TMEM132D: variants seen among roughly 807,000 people sequenced by gnomAD.
The protein encoded by TMEM132D is transmembrane protein 132D.
A neutral mutation model predicts 62.3 loss-of-function variants in TMEM132D; 21 were observed. The observed-to-expected ratio is 0.34, with a 90% confidence interval of 0.24 to 0.49. TMEM132D has a LOEUF of 0.49. Among genes scored for constraint, TMEM132D ranks in the 20% least tolerant of loss-of-function variants. The pLI, the probability that TMEM132D is intolerant of heterozygous loss-of-function variation, is 0.99. For missense variants in TMEM132D, 1,346 were observed against 1,402.8 expected, an observed-to-expected ratio of 0.96 and a Z score of 0.65; for synonymous variants, 621 against 575.6, an observed-to-expected ratio of 1.08 and a Z score of -1.13.
chr12:129,770,268 C>T (rs549495886), intron 1 of TMEM132D, among the ~76,000 whole-genome samples: 36 of 150,820 alleles, frequency 2.4e-4, no homozygotes, highest in African/African-American at 6.8e-4. Context: ...CTCAGCCTCC[C>T]GAGTAGCTGG....
intron 5 of TMEM132D, among the ~76,000 whole-genome samples, chr12:129,098,480 T>C (rs1375843502): frequency 2.0e-5 from 3 of 152,232 alleles, no homozygotes; most frequent in Non-Finnish European, 2.9e-5. Flanking sequence ...GATGCCTTTT[T>C]TTCTAGGGTC....
intron 3 of TMEM132D, among the ~76,000 whole-genome samples, chr12:129,345,971 G>A (rs1440593258): frequency 6.6e-6 from 1 of 152,114 alleles, no homozygotes; most frequent in Non-Finnish European, 1.5e-5. Context: ...TTAGGGAGGA[G>A]TCCCTCTTTT....
intron 1 of TMEM132D, among the ~76,000 whole-genome samples, chr12:129,718,681 T>C (rs1319839097): frequency 6.6e-6 from 1 of 152,200 alleles, no homozygotes; most frequent in East Asian, 1.9e-4. Context: ...TGTTTTATTA[T>C]CCTCATTTTA....
intron 2 of TMEM132D, among the ~76,000 whole-genome samples, chr12:129,677,092 T>G (rs1880649497): frequency 6.6e-6 from 1 of 152,228 alleles, no homozygotes. Flanking sequence ...CCTATTATCT[T>G]CTGGCATTGA....
At chr12:129,616,706 T>C (rs2137156101) in intron 2 of TMEM132D, among the ~76,000 whole-genome samples, 1 of 152,302 alleles carries the variant, frequency 6.6e-6, no homozygotes, top group East Asian at 1.9e-4. Flanking sequence ...TCCCCTTCCA[T>C]TATGATTGTA....
At chr12:129,382,691 G>A (rs1870985130) in intron 3 of TMEM132D, among the ~76,000 whole-genome samples, 1 of 152,194 alleles carries the variant, frequency 6.6e-6, no homozygotes, top group South Asian at 2.1e-4. Flanking sequence ...TACCTTGCAA[G>A]GGATCTAGAA....
At chr12:129,741,360 T>C (rs938744018) in intron 1 of TMEM132D, among the ~76,000 whole-genome samples, 2 of 152,210 alleles carry the variant, frequency 1.3e-5, no homozygotes, top group East Asian at 1.9e-4. Context: ...CGTGTTAATC[T>C]ATGAAAATTA....
At chr12:129,270,028 A>G (rs1232703354) in intron 4 of TMEM132D, among the ~76,000 whole-genome samples, 2 of 152,174 alleles carry the variant, frequency 1.3e-5, no homozygotes, top group Non-Finnish European at 2.9e-5. Context: ...ACTCGGGAAA[A>G]GCCGCAGGCC....
intron 1 of TMEM132D, among the ~76,000 whole-genome samples, chr12:129,765,141 T>C (rs556109914): frequency 1.3e-5 from 2 of 152,302 alleles, no homozygotes; most frequent in Non-Finnish European, 2.9e-5. Flanking sequence ...AAAATATTTG[T>C]GCTTCAGTGG....
intron 5 of TMEM132D, among the ~76,000 whole-genome samples, chr12:129,188,889 A>G (rs1180548696): frequency 1.3e-5 from 2 of 152,122 alleles, no homozygotes; most frequent in East Asian, 3.9e-4. Flanking sequence ...TGAGTTGATT[A>G]AGGCTGTAGC....
At chr12:129,249,528 G>T (rs1880210678) in intron 4 of TMEM132D, among the ~76,000 whole-genome samples, 1 of 152,150 alleles carries the variant, frequency 6.6e-6, no homozygotes, top group Non-Finnish European at 1.5e-5. Context: ...GTGTTGTCCA[G>T]GTAAGGTTGA....
intron 5 of TMEM132D, among the ~76,000 whole-genome samples, chr12:129,146,829 A>G (rs1169980368): frequency 6.6e-6 from 1 of 152,122 alleles, no homozygotes; most frequent in Non-Finnish European, 1.5e-5. Context: ...AAGGCTTCAC[A>G]TGGGTTAACT....
rs150569422 is a variant in TMEM132D, at chr12:129,640,393, G to C, written c.968+59417C>G. On this transcript the variant is annotated intron_variant, in intron 2 of 8. Coordinates refer to ENST00000422113, the MANE Select transcript of TMEM132D (RefSeq NM_133448.3). ...CTGCTCTCGCTTGCCATAAGAATGG[G>C]ATGCTTCTTCTACCCTCCATGTTCC... Among the ~76,000 whole-genome samples the C allele has an allele frequency of 2.6e-3, 401 of 152,296 alleles. 1 individual carries two copies. Among genetic ancestry groups the C allele is most frequent in the Admixed American group, 4.4e-3 (67 of 15,296 alleles).
intron 1 of TMEM132D, among the ~76,000 whole-genome samples, chr12:129,720,175 T>C (rs7977471): frequency 0.31 from 46,826 of 151,998 alleles, 7,297 homozygotes; most frequent in East Asian, 0.36. Flanking sequence ...GTCAGGCTAA[T>C]TACAACAAAG....
rs139915600 is a variant in TMEM132D at position 129,663,357 on chromosome 12, T to C, written c.968+36453A>G. Among the ~76,000 whole-genome samples the C allele has an allele frequency of 4.0e-3, 610 of 152,304 alleles. 16 individuals are homozygous for C. Among genetic ancestry groups the C allele is most frequent in the Admixed American group, 0.034 (514 of 15,300 alleles). ...TTCACCATGTTGGTCAGGCTGGTCTTGAACTCCCGACCTCAGGTGATCCAC... is the reference window on the plus strand; with the variant it reads ...TTCACCATGTTGGTCAGGCTGGTCTCGAACTCCCGACCTCAGGTGATCCAC... On this transcript the variant is annotated intron_variant, in intron 2 of 8. Coordinates refer to ENST00000422113, the MANE Select transcript of TMEM132D (RefSeq NM_133448.3).
rs892356304 is a variant in TMEM132D at position 129,752,966 on chromosome 12, A to G, written c.80-52268T>C. 3.9e-5 allele frequency among the ~76,000 whole-genome samples: 6 copies of G among 152,220 alleles called. No homozygotes were observed. The South Asian group carries it at 1.0e-3, about 26-fold the overall frequency. The stretch of plus-strand genomic sequence containing the variant: ...ACTTTGGTGAGAAGCTATTAGAAGA[A>G]AAGGGAGTGGATGTTGGACAGGCAA... On this transcript the variant is annotated intron_variant, in intron 1 of 8. Transcript: ENST00000422113.
At chr12:129,839,599 G>C (rs1400105396) in intron 1 of TMEM132D, among the ~76,000 whole-genome samples, 1 of 152,054 alleles carries the variant, frequency 6.6e-6, no homozygotes, top group Non-Finnish European at 1.5e-5. Flanking sequence ...AGGTAGTTTT[G>C]GCCCCAGGAA....
chr12:129,075,004 T>C lies in TMEM132D; in HGVS notation c.2171A>G (p.Asp724Gly). The C allele has an allele frequency of 6.2e-7, 1 of 1,613,640 alleles. No individual in the cohort carries two copies. The highest frequency in any genetic ancestry group is 8.5e-7 in the Non-Finnish European group (1 of 1,180,008). The change falls in exon 9 of 9, where the codon GAT becomes GGT. Residue 724 changes from aspartate (D) to glycine (G), a missense_variant. Transcript: ENST00000422113. ...GGAGAAGTCTTTCCCATCGTAAATATCCAAGGGCGTGACTGAGCCATCACT... is the reference window on the plus strand; with the variant it reads ...GGAGAAGTCTTTCCCATCGTAAATACCCAAGGGCGTGACTGAGCCATCACT... Reference protein sequence around the residue: ...QFSDGSVTPLDIYDGKDFSLM... With the variant: ...QFSDGSVTPLGIYDGKDFSLM...
intron 3 of TMEM132D, among the ~76,000 whole-genome samples, chr12:129,488,969 G>T (rs1391593777): frequency 6.6e-6 from 1 of 152,172 alleles, no homozygotes; most frequent in Admixed American, 6.5e-5. Context: ...GCAGTTCATG[G>T]GCCAAGGCTA....
Sources: allele counts gnomAD v4.1 joint callset (sites outside exome capture counted in the v4.1 genomes callset), GRCh38; gene constraint gnomAD v4.1.1; transcripts MANE v1.5; gene names NCBI Gene and HGNC (gene_info 2026-07-23, HGNC 2026-07-21).